VPS18: variants seen among roughly 807,000 people sequenced by gnomAD.
VPS18 encodes VPS18 core subunit of CORVET and HOPS complexes.
A neutral mutation model predicts 82.0 loss-of-function variants in VPS18; 25 were observed. That is an observed-to-expected ratio of 0.30 (90% confidence interval 0.22 to 0.43). The LOEUF (loss-of-function observed/expected upper bound fraction) is 0.43, where lower values mean the gene tolerates loss of function less well. Among genes scored for constraint, VPS18 ranks in the 20% least tolerant of loss-of-function variants. VPS18 has a pLI of 1.00. For synonymous variants in VPS18, 523 were observed against 543.0 expected, an observed-to-expected ratio of 0.96 and a Z score of 0.51; for missense variants, 1,168 against 1,311.1, an observed-to-expected ratio of 0.89 and a Z score of 1.69.
In VPS18 at chr15:40,899,803, G is replaced by A. The variant is rs145172193; in HGVS notation, c.985G>A (p.Val329Ile). ...GPGASPPLAI[V>I]LTQFHFLLLL... ...TGGGGCCAGCCCACCCCTAGCCATC[G>A]TCTTGACCCAGTTCCACTTCCTGCT... The change falls in exon 4 of 5, where the codon GTC (valine) becomes ATC (isoleucine). Residue 329 changes from valine to isoleucine, a missense_variant. Transcript: ENST00000220509. The surrounding 1 kb of genome is among the most constrained non-coding windows in gnomAD (Gnocchi z 4.4). 38 of 1,611,100 alleles carry A rather than the reference G, an allele frequency of 2.4e-5. 1 individual carries two copies. The Admixed American group carries it at 3.3e-4, about 14-fold the overall frequency.
Position 40,899,238 on chromosome 15 carries a change from G to C in VPS18, c.420G>C (p.Gln140His). ...GGCCACTAGCACGCTGGAAGGGGCAGCTGGTGGAGAGTGTGGGTTGGAACA... is the reference window on the plus strand; with the variant it reads ...GGCCACTAGCACGCTGGAAGGGGCACCTGGTGGAGAGTGTGGGTTGGAACA... ...KVRPLARWKG[Q>H]LVESVGWNKA... is the part of the protein sequence containing the mutation. Residue 140 changes from glutamine (Q) to histidine (H), a missense_variant, in exon 4 of 5, where the codon CAG becomes CAC. By Grantham distance (24) the Gln-to-His change is conservative. Transcript: ENST00000220509. The surrounding 1 kb of genome is among the most constrained non-coding windows in gnomAD (Gnocchi z 4.4). 1.2e-6 allele frequency: 2 copies of C among 1,614,244 alleles called. No individual in the cohort carries two copies. The highest frequency in any genetic ancestry group is 1.7e-6 in the Non-Finnish European group (2 of 1,180,048).
In VPS18 at chr15:40,899,706, A is replaced by T. The variant is rs372085234; in HGVS notation, c.888A>T (p.Ala296=). ...WMMGDGVLYG[A]LDCGRPDSLL... Reference sequence around the variant, plus strand: ...TGGGGGATGGTGTGTTGTATGGGGCATTGGACTGTGGGCGCCCTGACTCTC... The same window carrying T: ...TGGGGGATGGTGTGTTGTATGGGGCTTTGGACTGTGGGCGCCCTGACTCTC... Residue 296 remains alanine, a synonymous_variant, in exon 4 of 5, where the codon GCA becomes GCT. Transcript: ENST00000220509. The surrounding 1 kb of genome is among the most constrained non-coding windows in gnomAD (Gnocchi z 4.4). The T allele has an allele frequency of 2.5e-6, 4 of 1,613,846 alleles. No individual in the cohort carries two copies. In the African/African-American group the frequency reaches 4.0e-5, roughly 16 times the overall value.
Position 40,900,382 on chromosome 15 carries a change from T to C in VPS18, c.1564T>C (p.Cys522Arg), listed in dbSNP as rs772540233. The change falls in exon 4 of 5, where the codon TGC (cysteine) becomes CGC (arginine). Residue 522 changes from cysteine (C) to arginine (R), a missense_variant. Cys to Arg is a radical substitution (Grantham distance 180). This residue lies in a region of VPS18 where 868 missense variants were observed against 939.8 expected (regional missense o/e 0.92). Coordinates refer to ENST00000220509, the MANE Select transcript of VPS18 (RefSeq NM_020857.3). The surrounding 1 kb of genome is among the most constrained non-coding windows in gnomAD (Gnocchi z 5.4). ...ALTLYRETKE[C>R]FRTFLSSPRH... ...GACTCTCTACCGAGAAACCAAGGAATGCTTTCGAACCTTCCTCAGCAGCCC... is the reference window on the plus strand; with the variant it reads ...GACTCTCTACCGAGAAACCAAGGAACGCTTTCGAACCTTCCTCAGCAGCCC... The C allele has an allele frequency of 6.8e-5, 109 of 1,613,404 alleles. No individual in the cohort carries two copies. Among genetic ancestry groups the C allele is most frequent in the Non-Finnish European group, 9.0e-5 (106 of 1,179,932 alleles).
chr15:40,898,698 C>T lies in VPS18; in HGVS notation c.234-209C>T, dbSNP rs1892279023. On this transcript the variant is annotated intron_variant, in intron 2 of 4. Transcript: ENST00000220509. ...ATGTTGCCCAGTCTGGTCTCAAACT[C>T]CTGAGCTCAAGCAATCTACCCACCT... is the stretch of plus-strand genomic sequence containing the variant. 6 of 617,042 alleles carry T rather than the reference C, an allele frequency of 9.7e-6. No individual in the cohort carries two copies. The South Asian group carries it at 1.1e-4, about 11-fold the overall frequency. The allele number at this position is 617,042 out of a possible 1,614,324, so 38.2% of individuals were successfully genotyped here.
At position 40,900,810 on chromosome 15, in the gene VPS18, C is replaced by T. The variant is rs772559843; in HGVS notation, c.1992C>T (p.His664=). 3 of 1,614,234 alleles carry T rather than the reference C, an allele frequency of 1.9e-6. No individual in the cohort carries two copies. The highest frequency in any genetic ancestry group is 2.5e-6 in the Non-Finnish European group (3 of 1,180,040). The part of the protein sequence containing the change: ...NVLGETEQAI[H]NYLLSLYARG... ...TGGGGGAGACTGAGCAGGCCATCCA[C>T]AACTACCTGCTGTCACTGTATGCCC... The change falls in exon 4 of 5, where the codon CAC becomes CAT. Residue 664 remains histidine (H), a synonymous_variant. Coordinates refer to ENST00000220509, the MANE Select transcript of VPS18 (RefSeq NM_020857.3). The surrounding 1 kb of genome is among the most constrained non-coding windows in gnomAD (Gnocchi z 5.4).
Position 40,902,604 on chromosome 15 carries a change from C to T in VPS18, c.2197-12C>T, listed in dbSNP as rs1238059334. On this transcript the variant is annotated splice_polypyrimidine_tract_variant and intron_variant, in intron 4 of 4. Transcript: ENST00000220509. This position sits in a 1 kb window ranked among gnomAD's most constrained non-coding sequence, Gnocchi z 4.2. ...GAGGGGCTTGGCCCTAAAGCCCATG[C>T]TCTCCCCACAGGTGGATGTGGACCT... 6.3e-7 allele frequency: 1 copy of T among 1,599,852 alleles called. No individual in the cohort carries two copies. Among genetic ancestry groups the T allele is most frequent in the South Asian group, 1.1e-5 (1 of 89,654 alleles).
chr15:40,900,164 C>A lies in VPS18; in HGVS notation c.1346C>A (p.Thr449Asn). Reference sequence around the variant, plus strand: ...GAGAGCGCACGCTGCTATGCCCTGACCCAGAGCTACTTTGAGGAGATTGCC... The same window carrying A: ...GAGAGCGCACGCTGCTATGCCCTGAACCAGAGCTACTTTGAGGAGATTGCC... ...YLESARCYALTQSYFEEIALK... is the reference protein window; with the variant it reads ...YLESARCYALNQSYFEEIALK... Residue 449 changes from threonine to asparagine, a missense_variant, in exon 4 of 5, where the codon ACC becomes AAC. Transcript: ENST00000220509. This position sits in a 1 kb window ranked among gnomAD's most constrained non-coding sequence, Gnocchi z 5.4. The A allele has an allele frequency of 1.9e-6, 3 of 1,613,810 alleles. No homozygotes were observed. The highest frequency in any genetic ancestry group is 2.5e-6 in the Non-Finnish European group (3 of 1,180,030).
At position 40,902,673 on chromosome 15, in the gene VPS18, C is replaced by A; in HGVS notation, c.2254C>A (p.Arg752Ser). 1 of 1,614,188 alleles carries A rather than the reference C, an allele frequency of 6.2e-7. No individual in the cohort carries two copies. The highest frequency in any genetic ancestry group is 2.2e-5 in the East Asian group (1 of 44,880). ...ADLPEEDEEL[R>S]KKLWLKIARH... ...CCTGCCTGAGGAGGATGAGGAATTG[C>A]GCAAGAAGCTGTGGCTGAAGATCGC... is the stretch of plus-strand genomic sequence containing the variant. The change falls in exon 5 of 5, where the codon CGC (arginine) becomes AGC (serine). Residue 752 changes from arginine (R) to serine (S), a missense_variant. Physicochemically the swap from Arg to Ser is moderately radical, Grantham distance 110. This residue lies in a region of VPS18 where 296 missense variants were observed against 354.0 expected (regional missense o/e 0.84). Transcript: ENST00000220509. The surrounding 1 kb of genome is among the most constrained non-coding windows in gnomAD (Gnocchi z 4.2).
At position 40,899,622 on chromosome 15, in the gene VPS18, T is replaced by C. The variant is rs532063525; in HGVS notation, c.804T>C (p.Ser268=). 2.5e-6 allele frequency: 4 copies of C among 1,611,596 alleles called. No individual in the cohort carries two copies. The highest frequency in any genetic ancestry group is 1.3e-5 in the African/African-American group (1 of 75,024). Residue 268 remains serine (S), a synonymous_variant, in exon 4 of 5, where the codon AGT becomes AGC. Transcript: ENST00000220509. This position sits in a 1 kb window ranked among gnomAD's most constrained non-coding sequence, Gnocchi z 4.4. ...AGTTTCCCAGCAACCTGGGCTACAG[T>C]GAGTTGGCCTTCTACACCCCCAAGC... ...FREFPSNLGY[S]ELAFYTPKLR... is the part of the protein sequence containing the mutation.
rs1892323074 is a variant in VPS18 at position 40,900,172 on chromosome 15, T to C, written c.1354T>C (p.Tyr452His). The C allele has an allele frequency of 6.2e-7, 1 of 1,613,722 alleles. No homozygotes were observed. Among genetic ancestry groups the C allele is most frequent in the South Asian group, 1.1e-5 (1 of 91,090 alleles). Residue 452 changes from tyrosine to histidine, a missense_variant, in exon 4 of 5, where the codon TAC becomes CAC. Tyr to His is a moderately conservative substitution (Grantham distance 83, BLOSUM62 2). Transcript: ENST00000220509. This position sits in a 1 kb window ranked among gnomAD's most constrained non-coding sequence, Gnocchi z 5.4. ...ACGCTGCTATGCCCTGACCCAGAGC[T>C]ACTTTGAGGAGATTGCCCTCAAGTT... Reference protein sequence around the residue: ...SARCYALTQSYFEEIALKFLE... With the variant: ...SARCYALTQSHFEEIALKFLE...
intron 4 of VPS18, among the ~76,000 whole-genome samples, chr15:40,901,275 C>T (rs539106655): frequency 6.6e-6 from 1 of 152,314 alleles, no homozygotes; most frequent in East Asian, 1.9e-4. Context: ...GTACATTTAC[C>T]TCATAGGGTT....
rs368813367 is a variant in VPS18 at position 40,895,955 on chromosome 15, C to T, written c.109C>T (p.Leu37=). The T allele has an allele frequency of 4.3e-6, 7 of 1,614,036 alleles. No individual in the cohort carries two copies. The African/African-American group carries it at 9.3e-5, about 22-fold the overall frequency. ...ACCTGTAGGGTATGTGAATGCCCAG[C>T]TGGAGAAGGAAGTGCCCATCTTCAC... ...IPHSGYVNAQ[L]EKEVPIFTKQ... is the part of the protein sequence containing the mutation. The change falls in exon 2 of 5, where the codon CTG becomes TTG. Residue 37 remains leucine (L), a synonymous_variant. Coordinates refer to ENST00000220509, the MANE Select transcript of VPS18 (RefSeq NM_020857.3).
intron 2 of VPS18, among the ~76,000 whole-genome samples, chr15:40,898,274 T>G (rs1289451189): frequency 8.6e-5 from 13 of 150,894 alleles, no homozygotes; most frequent in Non-Finnish European, 1.3e-4. Context: ...TTTTCCCCCC[T>G]TTTTGTGGAG....
In VPS18 at chr15:40,899,151, C is replaced by T. The variant is rs1181708784; in HGVS notation, c.333C>T (p.His111=). ...HKMFLDHTGS[H]LLIALSSTEV... ...ATGCTCTCCCCACTCCAGGCTCTCA[C>T]CTGCTGATTGCCCTGAGCAGCACGG... The change falls in exon 4 of 5, where the codon CAC becomes CAT. Residue 111 remains histidine (H), a synonymous_variant. Coordinates refer to ENST00000220509, the MANE Select transcript of VPS18 (RefSeq NM_020857.3). This position sits in a 1 kb window ranked among gnomAD's most constrained non-coding sequence, Gnocchi z 4.4. 2 of 1,612,146 alleles carry T rather than the reference C, an allele frequency of 1.2e-6. No homozygotes were observed. Among genetic ancestry groups the T allele is most frequent in the East Asian group, 4.5e-5 (2 of 44,820 alleles).
rs1390071272 is a variant in VPS18 at position 40,894,809 on chromosome 15, G to C, written c.41G>C (p.Arg14Pro). ...GATGAGTACGAGAACTCGCTGTCCC[G>C]CTCGGCCGTCTTGCAGCCCGGCTGC... ...ILDEYENSLS[R>P]SAVLQPGCPS... Residue 14 changes from arginine (R) to proline (P), a missense_variant, in exon 1 of 5, where the codon CGC (arginine) becomes CCC (proline). Physicochemically the swap from Arg to Pro is moderately radical, Grantham distance 103 (BLOSUM62 -2). Transcript: ENST00000220509. The C allele has an allele frequency of 2.6e-6, 4 of 1,554,806 alleles. No homozygotes were observed. In the African/African-American group the frequency reaches 4.1e-5, roughly 16 times the overall value.
intron 2 of VPS18, among the ~76,000 whole-genome samples, chr15:40,896,807 A>G (rs2925352): frequency 0.21 from 30,032 of 146,268 alleles, 8,260 homozygotes; most frequent in African/African-American, 0.63. Context: ...GTGAGACTCC[A>G]TCTCAAAAAA....
chr15:40,897,425 C>T (rs572893773), intron 2 of VPS18, among the ~76,000 whole-genome samples: 112 of 152,066 alleles, frequency 7.4e-4, no homozygotes, highest in African/African-American at 2.6e-3. Context: ...CAAATTAAGA[C>T]ACATACACAT....
chr15:40,902,616 G>C lies in VPS18; in HGVS notation c.2197G>C (p.Val733Leu). Reference sequence around the variant, plus strand: ...CCTAAAGCCCATGCTCTCCCCACAGGTGGATGTGGACCTGGCCAAGCAGTG... The same window carrying C: ...CCTAAAGCCCATGCTCTCCCCACAGCTGGATGTGGACCTGGCCAAGCAGTG... ...YEEAVDLALQ[V>L]DVDLAKQCAD... The change falls in exon 5 of 5, where the codon GTG becomes CTG. Residue 733 changes from valine to leucine, a missense_variant and splice_region_variant. Transcript: ENST00000220509. The surrounding 1 kb of genome is among the most constrained non-coding windows in gnomAD (Gnocchi z 4.2). 1 of 1,608,110 alleles carries C rather than the reference G, an allele frequency of 6.2e-7. No homozygotes were observed. The highest frequency in any genetic ancestry group is 8.5e-7 in the Non-Finnish European group (1 of 1,175,624).
Position 40,894,761 on chromosome 15 carries a change from C to G in VPS18, c.-8C>G, listed in dbSNP as rs1291034854. 32 of 1,546,134 alleles carry G rather than the reference C, an allele frequency of 2.1e-5. No individual in the cohort carries two copies. Among genetic ancestry groups the G allele is most frequent in the Non-Finnish European group, 2.4e-5 (28 of 1,144,426 alleles). On this transcript the variant is annotated 5_prime_UTR_variant, in exon 1 of 5. Coordinates refer to ENST00000220509, the MANE Select transcript of VPS18 (RefSeq NM_020857.3). ...GGCCCCGGACAAAGAGCCCAGAGGCCGGGCACCATGGCGTCCATCCTGGAT... is the reference window on the plus strand; with the variant it reads ...GGCCCCGGACAAAGAGCCCAGAGGCGGGGCACCATGGCGTCCATCCTGGAT...
Sources: gnomAD v4.1 joint callset for allele counts (sites outside exome capture counted in the v4.1 genomes callset) on GRCh38, gnomAD v4.1.1 for gene constraint, gnomAD v4.1.1 regional missense constraint, Gnocchi (gnomAD v3.1) non-coding constraint, MANE v1.5 for transcripts, NCBI Gene and HGNC (gene_info 2026-07-23, HGNC 2026-07-21) for gene names.